Variants in MCC observed in about 807,000 individuals in gnomAD.
MCC encodes the protein MCC regulator of Wnt signaling pathway.
A neutral mutation model predicts 116.2 loss-of-function variants in MCC; 90 were observed. That is an observed-to-expected ratio of 0.77 (90% CI 0.65 to 0.92). The LOEUF (loss-of-function observed/expected upper bound fraction) is 0.92. Ranked by LOEUF, MCC falls within the 40% of genes least tolerant of loss-of-function variation. MCC has a pLI of 0.00. For synonymous variants in MCC, 578 were observed against 510.5 expected, an observed-to-expected ratio of 1.13 and a Z score of -1.78; for missense variants, 1,516 against 1,312.2, an observed-to-expected ratio of 1.16 and a Z score of -2.40.
chr5:113,480,619 T>C (rs1188135191), intron 1 of MCC, among the ~76,000 whole-genome samples: 1 of 152,176 alleles, frequency 6.6e-6, no homozygotes, highest in Non-Finnish European at 1.5e-5. Flanking sequence ...TCAACATCAA[T>C]ACTTGCAGAA....
intron 6 of MCC, among the ~76,000 whole-genome samples, chr5:113,112,721 C>T (rs573098786): frequency 6.6e-6 from 1 of 152,166 alleles, no homozygotes; most frequent in Non-Finnish European, 1.5e-5. Context: ...TCCAGAGACT[C>T]ACAGTGCTGG....
In MCC at chr5:113,133,636, A is replaced by G. The variant is rs538629252; in HGVS notation, c.884+9582T>C. On this transcript the variant is annotated intron_variant, in intron 5 of 18. Transcript: ENST00000408903. The stretch of plus-strand genomic sequence containing the variant: ...TATTGATGTCTTTTCTTTTGGATAT[A>G]TACCCAGTAAGGGAATTACTGGATC... Among the ~76,000 whole-genome samples the G allele has an allele frequency of 8.5e-5, 13 of 152,322 alleles. 1 individual carries two copies. Among genetic ancestry groups the G allele is most frequent in the African/African-American group, 3.1e-4 (13 of 41,578 alleles).
At chr5:113,235,273 A>G (rs1247838428) in intron 3 of MCC, among the ~76,000 whole-genome samples, 1 of 152,238 alleles carries the variant, frequency 6.6e-6, no homozygotes, top group East Asian at 1.9e-4. Context: ...GCACTTGAGA[A>G]ATGAATCAAA....
chr5:113,296,932 G>C (rs1766729350), intron 3 of MCC, among the ~76,000 whole-genome samples: 1 of 152,154 alleles, frequency 6.6e-6, no homozygotes, highest in Non-Finnish European at 1.5e-5. Context: ...AAAGTAATCT[G>C]TTCCAAAAGT....
intron 5 of MCC, among the ~76,000 whole-genome samples, chr5:113,127,744 C>T (rs1373521497): frequency 6.6e-6 from 1 of 152,082 alleles, no homozygotes; most frequent in East Asian, 1.9e-4. Context: ...GCTGGAAAGA[C>T]CTTTGTTTGA....
intron 3 of MCC, among the ~76,000 whole-genome samples, chr5:113,206,281 CT>C (rs1762907213): frequency 6.7e-6 from 1 of 148,862 alleles, no homozygotes; most frequent in Non-Finnish European, 1.5e-5. Flanking sequence ...ATGTTTCCCC[CT>C]AACTGGAATC....
In MCC at chr5:113,027,142, CG is replaced by C. The variant is rs1750603019; in HGVS notation, c.*159del. The C allele has an allele frequency of 3.0e-6, 2 of 670,812 alleles. No homozygotes were observed. Among genetic ancestry groups the C allele is most frequent in the Admixed American group, 5.9e-5 (2 of 33,954 alleles). 41.6% of individuals were successfully genotyped at this position (670,812 alleles called of 1,614,324 possible). On this transcript the variant is annotated 3_prime_UTR_variant, in exon 19 of 19. Coordinates refer to ENST00000408903, the MANE Select transcript of MCC (RefSeq NM_001085377.2). ...AGTCCACAATGTCACCATGGCCAGT[CG>C]CCCCAAGGGTTGAGTTGGGGCACTC...
rs116162576 is a variant in MCC at position 113,361,143 on chromosome 5, C to G, written c.416-20413G>C. On this transcript the variant is annotated intron_variant, in intron 2 of 18. Transcript: ENST00000408903. ...CCTGTTTAGCAGTAAAACTCTTCTA[C>G]TCAGCAATCAATCCTGGCTTTCTAA... Among the ~76,000 whole-genome samples, 499 of 152,248 alleles carry G rather than the reference C, an allele frequency of 3.3e-3. 2 individuals carry two copies. Among genetic ancestry groups the G allele is most frequent in the African/African-American group, 0.011 (469 of 41,542 alleles).
intron 18 of MCC, 136 bp downstream of exon 18, chr5:113,028,798 G>A: frequency 9.8e-7 from 1 of 1,019,536 alleles, no homozygotes; most frequent in Non-Finnish European, 1.4e-6. Flanking sequence ...AGCCAGGTAG[G>A]GACTCACCCA....
At chr5:113,159,846 C>T (rs1760383485) in intron 3 of MCC, among the ~76,000 whole-genome samples, 1 of 152,162 alleles carries the variant, frequency 6.6e-6, no homozygotes, top group Admixed American at 6.5e-5. Flanking sequence ...AAATGCTGCT[C>T]ATAGTCTTGA....
chr5:113,096,260 G>A (rs1341512966), intron 8 of MCC, among the ~76,000 whole-genome samples: 1 of 152,228 alleles, frequency 6.6e-6, no homozygotes, highest in African/African-American at 2.4e-5. Context: ...CTTGGCCCAT[G>A]TCCAGTGGGT....
At chr5:113,333,696 G>C (rs1448208959) in intron 3 of MCC, among the ~76,000 whole-genome samples, 1 of 142,372 alleles carries the variant, frequency 7.0e-6, no homozygotes, top group African/African-American at 2.6e-5. Flanking sequence ...AAATGTTACA[G>C]AAAAACTCAT....
At chr5:113,423,019 C>G (rs1221700086) in intron 1 of MCC, among the ~76,000 whole-genome samples, 1 of 152,118 alleles carries the variant, frequency 6.6e-6, no homozygotes, top group African/African-American at 2.4e-5. Flanking sequence ...ATCGTGTTTT[C>G]CACAATTATT....
At chr5:113,469,918 T>C (rs1316619204) in intron 1 of MCC, among the ~76,000 whole-genome samples, 1 of 152,222 alleles carries the variant, frequency 6.6e-6, no homozygotes, top group Non-Finnish European at 1.5e-5. Flanking sequence ...GTTGAATTGA[T>C]CCCTTTACCA....
intron 3 of MCC, among the ~76,000 whole-genome samples, chr5:113,213,204 T>C (rs1288245567): frequency 6.6e-6 from 1 of 152,194 alleles, no homozygotes; most frequent in Non-Finnish European, 1.5e-5. Context: ...CCTCTCTAAC[T>C]TTCCGCTGAA....
chr5:113,102,022 G>A, intron 7 of MCC, 77 bp from the exon 8 acceptor site: 1 of 1,390,276 alleles, frequency 7.2e-7, no homozygotes, highest in Non-Finnish European at 1.0e-6. Context: ...AGGCTGAACA[G>A]GAATAAATGT....
At chr5:113,458,358 C>G (rs555034413) in intron 1 of MCC, among the ~76,000 whole-genome samples, 3 of 152,034 alleles carry the variant, frequency 2.0e-5, no homozygotes, top group African/African-American at 7.2e-5. Context: ...ACACTCATGG[C>G]GAAGGTCTGC....
At chr5:113,175,425 G>A (rs1025618007) in intron 3 of MCC, among the ~76,000 whole-genome samples, 1 of 152,156 alleles carries the variant, frequency 6.6e-6, no homozygotes. Flanking sequence ...GTCCTAGATG[G>A]TTCTCAACAT....
chr5:113,096,150 C>A (rs914109326), intron 8 of MCC, among the ~76,000 whole-genome samples: 2 of 152,178 alleles, frequency 1.3e-5, no homozygotes, highest in African/African-American at 2.4e-5. Context: ...ACATGGTGGG[C>A]CCAGGAGGAG....
Sources: gnomAD v4.1 joint callset for allele counts (sites outside exome capture counted in the v4.1 genomes callset) on GRCh38, gnomAD v4.1.1 for gene constraint, MANE v1.5 for transcripts, NCBI Gene and HGNC (gene_info 2026-07-23, HGNC 2026-07-21) for gene names.